The following PSIP1 variants were observed in gnomAD, a reference collection of about 807,000 sequenced individuals.
PSIP1 encodes PC4 and SFRS1-interacting protein.
Under a neutral mutation model 74.7 loss-of-function variants are expected in PSIP1, and 19 were observed. The ratio of observed to expected loss-of-function variants is 0.25; its 90% CI spans 0.18 to 0.37. The LOEUF (loss-of-function observed/expected upper bound fraction) is 0.37. PSIP1 is among the 10% of genes least tolerant of loss of function. PSIP1 has a pLI of 1.00. For missense variants in PSIP1, 601 were observed against 614.3 expected (o/e 0.98, Z 0.23); for synonymous variants, 222 against 195.3 (o/e 1.14, Z -1.14).
Position 15,506,475 on chromosome 9 carries a change from T to C in PSIP1, c.149+86A>G, listed in dbSNP as rs552840021. ...AAGATTTTAAAGTTTCCTATTACGT[T>C]ACGATTTCCCCCTTGAATTAATGTC... On this transcript the variant is annotated intron_variant, in intron 3 of 15. Coordinates refer to ENST00000380733, the MANE Select transcript of PSIP1 (RefSeq NM_033222.5). The C allele has an allele frequency of 1.3e-5, 12 of 958,968 alleles. No individual in the cohort carries two copies. The East Asian group carries it at 2.2e-4, about 17-fold the overall frequency. 59.4% of individuals were successfully genotyped at this position (958,968 alleles called of 1,614,324 possible).
chr9:15,466,805 T>C lies in PSIP1; in HGVS notation c.1475A>G (p.His492Arg), dbSNP rs2035655528. ...GCTGTCTTCATTGCTCTCCCCGTTA[T>C]GTTGTGGCTGATTACCATCTTGAGC... is the stretch of plus-strand genomic sequence containing the variant. ...SDAQDGNQPQHNGESNEDSKD... is the reference protein window; with the variant it reads ...SDAQDGNQPQRNGESNEDSKD... Residue 492 changes from histidine to arginine, a missense_variant, in exon 15 of 16, where the codon CAT becomes CGT. By Grantham distance (29) the His-to-Arg change is conservative. This residue lies in a region of PSIP1 where 538 missense variants were observed against 507.6 expected (regional missense o/e 1.06). Transcript: ENST00000380733. The C allele has an allele frequency of 1.9e-6, 3 of 1,613,676 alleles. No homozygotes were observed. The highest frequency in any genetic ancestry group is 2.5e-6 in the Non-Finnish European group (3 of 1,179,840).
intron 3 of PSIP1, among the ~76,000 whole-genome samples, chr9:15,497,614 C>G (rs1410578533): frequency 6.6e-6 from 1 of 151,876 alleles, no homozygotes; most frequent in Non-Finnish European, 1.5e-5. Context: ...CGTGAGCCAC[C>G]GCGCCCGGCT....
At chr9:15,483,486 T>C (rs551953617) in intron 6 of PSIP1, among the ~76,000 whole-genome samples, 2 of 152,270 alleles carry the variant, frequency 1.3e-5, no homozygotes, top group South Asian at 2.1e-4. Flanking sequence ...GCCAACTCCT[T>C]AGAAAGGCCT....
chr9:15,507,715 A>C (rs919262258), intron 2 of PSIP1, among the ~76,000 whole-genome samples: 1 of 152,190 alleles, frequency 6.6e-6, no homozygotes, highest in African/African-American at 2.4e-5. Context: ...AAAACACTTC[A>C]ATTTGAAAAT....
intron 10 of PSIP1, among the ~76,000 whole-genome samples, chr9:15,470,320 CTT>C (rs758597477): frequency 6.6e-6 from 1 of 152,064 alleles, no homozygotes; most frequent in Non-Finnish European, 1.5e-5. Flanking sequence ...TACATCCATT[CTT>C]TTTTAAAGCT....
chr9:15,510,325 G>T lies in PSIP1; in HGVS notation c.-137C>A. 2.0e-6 allele frequency: 1 copy of T among 501,064 alleles called. No individual in the cohort carries two copies. The highest frequency in any genetic ancestry group is 3.3e-6 in the Non-Finnish European group (1 of 304,872). The allele number at this position is 501,064 out of a possible 1,614,324, so 31.0% of individuals were successfully genotyped here. On this transcript the variant is annotated 5_prime_UTR_variant, in exon 2 of 16. Transcript: ENST00000380733. ...AGGATGCCTCGGGGCGTCCCGACGC[G>T]CCTGCTAGGGAGAGCACCGAGGGCG...
chr9:15,492,504 G>C (rs1016999053), intron 3 of PSIP1, among the ~76,000 whole-genome samples: 1 of 152,162 alleles, frequency 6.6e-6, no homozygotes, highest in Non-Finnish European at 1.5e-5. Context: ...CCTCAGGCTG[G>C]TGTTGAATGT....
intron 5 of PSIP1, among the ~76,000 whole-genome samples, chr9:15,486,297 T>C (rs1395043065): frequency 6.6e-6 from 1 of 152,202 alleles, no homozygotes; most frequent in Non-Finnish European, 1.5e-5. Context: ...CACCAGGAAG[T>C]CTGTCTATTT....
chr9:15,485,593 C>T (rs557321918), intron 6 of PSIP1, among the ~76,000 whole-genome samples: 7 of 152,302 alleles, frequency 4.6e-5, no homozygotes, highest in Admixed American at 1.3e-4. Flanking sequence ...ACACTCATTT[C>T]TCACAACGTG....
At chr9:15,490,784 CCA>C (rs2132145865) in intron 3 of PSIP1, among the ~76,000 whole-genome samples, 1 of 151,988 alleles carries the variant, frequency 6.6e-6, no homozygotes, top group South Asian at 2.1e-4. Context: ...TAACTGCACC[CCA>C]AATATAGTTT....
At chr9:15,505,052 C>T (rs11790120) in intron 3 of PSIP1, 1 of 151,210 alleles carries the variant, frequency 6.6e-6, no homozygotes, top group Non-Finnish European at 1.5e-5. Context: ...GACGGTTCCA[C>T]CTCAGCCTCT....
intron 3 of PSIP1, among the ~76,000 whole-genome samples, chr9:15,495,838 T>C (rs2037049360): frequency 6.6e-6 from 1 of 152,246 alleles, no homozygotes; most frequent in Non-Finnish European, 1.5e-5. Flanking sequence ...ACTAAGTTTC[T>C]CTGGCTGGAC....
Position 15,507,768 on chromosome 9 carries a change from A to ACTATC in PSIP1, c.73-1136_73-1132dup, listed in dbSNP as rs1234957594. Among the ~76,000 whole-genome samples the ACTATC allele has an allele frequency of 3.9e-5, 6 of 152,374 alleles. No homozygotes were observed. In the East Asian group the frequency reaches 1.2e-3, roughly 29 times the overall value. ...AAGGGGGTTGACCATCAGAGGACCTACTATCCTCTGTAAGCATTATGGTGT... is the reference window on the plus strand; with the variant it reads ...AAGGGGGTTGACCATCAGAGGACCTACTATCCTATCCTCTGTAAGCATTATGGTGT... On this transcript the variant is annotated intron_variant, in intron 2 of 15. Transcript: ENST00000380733.
intron 3 of PSIP1, among the ~76,000 whole-genome samples, chr9:15,502,980 T>C (rs79552328): frequency 0.042 from 6,389 of 152,316 alleles, 152 homozygotes; most frequent in South Asian, 0.07. Flanking sequence ...AAAACCTTAA[T>C]CTATAAACCA....
intron 10 of PSIP1, chr9:15,471,792 A>G (rs2035842432): frequency 1.1e-6 from 1 of 946,126 alleles, no homozygotes; most frequent in Non-Finnish European, 1.3e-6. Context: ...TTGTTCAAGA[A>G]TTGTTTTACT....
intron 8 of PSIP1, among the ~76,000 whole-genome samples, chr9:15,478,265 A>G (rs116349358): frequency 0.01 from 1,525 of 152,064 alleles, 29 homozygotes; most frequent in African/African-American, 0.035. Context: ...AAATTGATAT[A>G]CCCAAGAGTC....
intron 3 of PSIP1, chr9:15,491,934 A>G (rs886094595): frequency 2.6e-5 from 4 of 152,234 alleles, no homozygotes; most frequent in African/African-American, 9.7e-5. Context: ...CACTATCACA[A>G]GAACAACATG....
rs577439536 is a variant in PSIP1, at chr9:15,465,365, GTTTAC to G, written c.*150_*154del. 77 of 636,458 alleles carry G rather than the reference GTTTAC, an allele frequency of 1.2e-4. No individual in the cohort carries two copies. The highest frequency in any genetic ancestry group is 6.4e-4 in the East Asian group (23 of 35,662). 39.4% of individuals were successfully genotyped at this position (636,458 alleles called of 1,614,324 possible). A position where few individuals can be genotyped will look rare whatever the true frequency, so the allele number is the denominator to read the frequency against. The stretch of plus-strand genomic sequence containing the variant: ...CTGCACAAGTACACTTAGCGATAAT[GTTTAC>G]TTTACTTTAAAACAAAGGGATTTTC... On this transcript the variant is annotated 3_prime_UTR_variant, in exon 16 of 16. Transcript: ENST00000380733.
intron 3 of PSIP1, among the ~76,000 whole-genome samples, chr9:15,502,996 G>GA (rs560127303): frequency 2.3e-4 from 35 of 152,266 alleles, no homozygotes; most frequent in African/African-American, 7.5e-4. Flanking sequence ...AACCAGTTAC[G>GA]AATTAGTACA....
Sources: allele counts gnomAD v4.1 joint callset (sites outside exome capture counted in the v4.1 genomes callset), GRCh38; gene constraint gnomAD v4.1.1; regional missense constraint gnomAD v4.1.1; transcripts MANE v1.5; gene names NCBI Gene and HGNC (gene_info 2026-07-23, HGNC 2026-07-21).